The following L1TD1 variants were observed in gnomAD, a reference collection of about 807,000 sequenced individuals.
L1TD1 encodes LINE-1 type transposase domain-containing protein 1.
L1TD1 carries 26 observed loss-of-function variants against 25.7 expected under a neutral mutation model. The observed-to-expected ratio is 1.01, with a 90% confidence interval of 0.74 to 1.40. The LOEUF is 1.40. Among genes scored for constraint, L1TD1 ranks in the 40% most tolerant of loss-of-function variants. The pLI is 0.00. For missense variants in L1TD1, 1,130 were observed against 975.0 expected (o/e 1.16, Z -2.12); for synonymous variants, 421 against 335.6 (o/e 1.25, Z -2.78).
At chr1:62,206,321 C>T (rs2149100828) in intron 2 of L1TD1, among the ~76,000 whole-genome samples, 198 bp from the exon 3 acceptor site, 1 of 152,232 alleles carries the variant, frequency 6.6e-6, no homozygotes, top group South Asian at 2.1e-4. Context: ...GCATTCAAAT[C>T]ACTATGTAAA....
intron 2 of L1TD1, among the ~76,000 whole-genome samples, chr1:62,202,158 G>A (rs1387649866): frequency 2.0e-5 from 3 of 152,186 alleles, no homozygotes; most frequent in African/African-American, 7.2e-5. Flanking sequence ...AAATTAGCCA[G>A]GCGTGGTGGC....
chr1:62,205,407 CTCTCTCTCTCTATA>C (rs1423638175), intron 2 of L1TD1, among the ~76,000 whole-genome samples: 1 of 36,366 alleles, frequency 2.7e-5, no homozygotes, highest in South Asian at 1.0e-3. Context: ...CTCTCTCTCT[CTCTCTCTCTCTATA>C]TATATATATA....
At position 62,206,838 on chromosome 1, in the gene L1TD1, G is replaced by C; in HGVS notation, c.210G>C (p.Arg70Ser). The change falls in exon 3 of 4, where the codon AGG becomes AGC. Residue 70 changes from arginine to serine, a missense_variant. Coordinates refer to ENST00000498273, the MANE Select transcript of L1TD1 (RefSeq NM_019079.5). ...AAGACCTGATGTTTGAGGAGATGAG[G>C]GAAACTCTTAAAAATGACCTAAAAG... is the stretch of plus-strand genomic sequence containing the variant. ...EIQDLMFEEMRETLKNDLKAV... is the reference protein window; with the variant it reads ...EIQDLMFEEMSETLKNDLKAV... The C allele has an allele frequency of 6.2e-7, 1 of 1,609,938 alleles. No homozygotes were observed. Among genetic ancestry groups the C allele is most frequent in the Non-Finnish European group, 8.5e-7 (1 of 1,178,200 alleles).
At position 62,202,934 on chromosome 1, in the gene L1TD1, C is replaced by T. The variant is rs192894657; in HGVS notation, c.-110-3585C>T. Among the ~76,000 whole-genome samples the T allele has an allele frequency of 4.1e-3, 621 of 152,144 alleles. 2 individuals are homozygous for T. Among genetic ancestry groups the T allele is most frequent in the African/African-American group, 0.014 (599 of 41,516 alleles). On this transcript the variant is annotated intron_variant, in intron 2 of 3. Coordinates refer to ENST00000498273, the MANE Select transcript of L1TD1 (RefSeq NM_019079.5). Reference sequence around the variant, plus strand: ...CTGACCTCAGGTGATCTGCCCACCTCGGCCTCCCAAAGTGCTGGGATTACA... The same window carrying T: ...CTGACCTCAGGTGATCTGCCCACCTTGGCCTCCCAAAGTGCTGGGATTACA...
intron 2 of L1TD1, among the ~76,000 whole-genome samples, chr1:62,201,148 G>A (rs540446330): frequency 4.6e-5 from 7 of 151,900 alleles, no homozygotes; most frequent in Admixed American, 1.3e-4. Flanking sequence ...AGGCTGGTCT[G>A]GAACTGCTGA....
chr1:62,202,551 T>C (rs1293832534), intron 2 of L1TD1, among the ~76,000 whole-genome samples: 9 of 150,690 alleles, frequency 6.0e-5, no homozygotes, highest in East Asian at 3.8e-4. Context: ...CTTTTCTTTT[T>C]TTTTTTTTTT....
intron 3 of L1TD1, among the ~76,000 whole-genome samples, chr1:62,208,874 G>A (rs748640346): frequency 6.6e-6 from 1 of 152,196 alleles, no homozygotes; most frequent in Non-Finnish European, 1.5e-5. Flanking sequence ...CCTCTGCAAA[G>A]TGAGAATCCA....
At chr1:62,197,697 G>GGT (rs1670570464) in intron 2 of L1TD1, among the ~76,000 whole-genome samples, 1 of 151,710 alleles carries the variant, frequency 6.6e-6, no homozygotes, top group South Asian at 2.1e-4. Flanking sequence ...TGGCCAACAT[G>GGT]GTGAAGCCCC....
In L1TD1 at chr1:62,207,261, G is replaced by T. The variant is rs1387578953; in HGVS notation, c.633G>T (p.Met211Ile). 3.9e-6 allele frequency: 6 copies of T among 1,551,092 alleles called. No individual in the cohort carries two copies. The highest frequency in any genetic ancestry group is 5.2e-6 in the Non-Finnish European group (6 of 1,146,882). Residue 211 changes from methionine (M) to isoleucine (I), a missense_variant, in exon 3 of 4, where the codon ATG becomes ATT. By Grantham distance (10) the Met-to-Ile change is conservative (BLOSUM62 1). Transcript: ENST00000498273. Reference sequence around the variant, plus strand: ...GAGAGGATGAATTTGTCAAAGAAATGAGAGAGGAAAGAAAATTTCAGAAAT... The same window carrying T: ...GAGAGGATGAATTTGTCAAAGAAATTAGAGAGGAAAGAAAATTTCAGAAAT... ...KDGEDEFVKEMREERKFQKLK... is the reference protein window; with the variant it reads ...KDGEDEFVKEIREERKFQKLK...
chr1:62,211,970 A>G lies in L1TD1; in HGVS notation c.*598A>G, dbSNP rs1465204563. On this transcript the variant is annotated 3_prime_UTR_variant, in exon 4 of 4. Coordinates refer to ENST00000498273, the MANE Select transcript of L1TD1 (RefSeq NM_019079.5). Reference sequence around the variant, plus strand: ...ACAGAGCGACACTCCGTCTCAAAAAAAAGTATATTGTGCTAGCTTGTCTAA... The same window carrying G: ...ACAGAGCGACACTCCGTCTCAAAAAGAAGTATATTGTGCTAGCTTGTCTAA... The G allele has an allele frequency of 6.6e-6, 1 of 152,260 alleles. No individual in the cohort carries two copies. Among genetic ancestry groups the G allele is most frequent in the East Asian group, 1.9e-4 (1 of 5,204 alleles). The allele number at this position is 152,260 out of a possible 1,614,324, so 9.4% of individuals were successfully genotyped here.
chr1:62,202,492 G>T (rs372872840), intron 2 of L1TD1, among the ~76,000 whole-genome samples: 1 of 149,752 alleles, frequency 6.7e-6, no homozygotes. Flanking sequence ...ATAAATGAGT[G>T]CCGTGTTTTT....
At chr1:62,203,542 G>A (rs1162184729) in intron 2 of L1TD1, among the ~76,000 whole-genome samples, 1 of 152,124 alleles carries the variant, frequency 6.6e-6, no homozygotes, top group African/African-American at 2.4e-5. Flanking sequence ...AGCCTCCTGA[G>A]TAGCTGGGAC....
At position 62,207,254 on chromosome 1, in the gene L1TD1, A is replaced by C. The variant is rs1029214873; in HGVS notation, c.626A>C (p.Lys209Thr). The C allele has an allele frequency of 4.5e-6, 7 of 1,551,212 alleles. No homozygotes were observed. Among genetic ancestry groups the C allele is most frequent in the African/African-American group, 1.4e-5 (1 of 72,998 alleles). ...AAGGATGGAGAGGATGAATTTGTCA[A>C]AGAAATGAGAGAGGAAAGAAAATTT... ...SRKDGEDEFVKEMREERKFQK... is the reference protein window; with the variant it reads ...SRKDGEDEFVTEMREERKFQK... The change falls in exon 3 of 4, where the codon AAA becomes ACA. Residue 209 changes from lysine (K) to threonine (T), a missense_variant. By Grantham distance (78) the Lys-to-Thr change is moderately conservative (BLOSUM62 -1). Coordinates refer to ENST00000498273, the MANE Select transcript of L1TD1 (RefSeq NM_019079.5).
chr1:62,205,388 TTTCTC>T lies in L1TD1; in HGVS notation c.-110-1129_-110-1125del, dbSNP rs1557443422. ...AAAACTCTCTTTCTCTCTCTCTCTC[TTTCTC>T]TCTCTCTCTCTCTCTCTCTCTCTCT... is the stretch of plus-strand genomic sequence containing the variant. On this transcript the variant is annotated intron_variant, in intron 2 of 3. Coordinates refer to ENST00000498273, the MANE Select transcript of L1TD1 (RefSeq NM_019079.5). Among the ~76,000 whole-genome samples, 229 of 46,736 alleles carry T rather than the reference TTTCTC, an allele frequency of 4.9e-3. 6 individuals carry two copies. Among genetic ancestry groups the T allele is most frequent in the Non-Finnish European group, 7.0e-3 (180 of 25,762 alleles). 30.7% of individuals were successfully genotyped at this position (46,736 alleles called of 152,430 possible).
chr1:62,204,240 G>T (rs549035394), intron 2 of L1TD1, among the ~76,000 whole-genome samples: 2 of 151,846 alleles, frequency 1.3e-5, no homozygotes, highest in African/African-American at 2.4e-5. Context: ...TGATTTGCGC[G>T]CATCTCTTTT....
At chr1:62,206,108 G>A (rs1308690297) in intron 2 of L1TD1, among the ~76,000 whole-genome samples, 3 of 152,138 alleles carry the variant, frequency 2.0e-5, no homozygotes, top group South Asian at 2.1e-4. Context: ...CAATTCAAAA[G>A]GGACAACTAT....
chr1:62,207,408 G>A lies in L1TD1; in HGVS notation c.780G>A (p.Trp260Ter), dbSNP rs1455790160. ...CAACACTGGATATTAGTAAGCAATG[G>A]AGTAATGTCTTCAACATTCTGAGAG... is the stretch of plus-strand genomic sequence containing the variant. Reference protein sequence around the residue: ...SSATLDISKQWSNVFNILREN... With the variant: ...SSATLDISKQ The change falls in exon 3 of 4, where the codon TGG (tryptophan) becomes TGA (stop). Residue 260 changes from tryptophan to a stop codon, truncating the protein, a stop_gained. Transcript: ENST00000498273. LOFTEE classifies it high-confidence loss of function. 2 of 1,551,470 alleles carry A rather than the reference G, an allele frequency of 1.3e-6. No homozygotes were observed. Among genetic ancestry groups the A allele is most frequent in the Non-Finnish European group, 1.7e-6 (2 of 1,146,838 alleles).
chr1:62,203,305 T>C (rs1342460554), intron 2 of L1TD1, among the ~76,000 whole-genome samples: 1 of 152,224 alleles, frequency 6.6e-6, no homozygotes, highest in Non-Finnish European at 1.5e-5. Flanking sequence ...AAGCTATTGT[T>C]GAGTGTAGTT....
intron 2 of L1TD1, among the ~76,000 whole-genome samples, chr1:62,203,756 T>G (rs1670686347): frequency 1.3e-5 from 2 of 152,200 alleles, no homozygotes; most frequent in South Asian, 4.1e-4. Context: ...TTTTTTGTTT[T>G]TATATTTTTA....
Sources: allele counts gnomAD v4.1 joint callset (sites outside exome capture counted in the v4.1 genomes callset), GRCh38; gene constraint gnomAD v4.1.1; transcripts MANE v1.5; gene names NCBI Gene and HGNC (gene_info 2026-07-23, HGNC 2026-07-21).